Variants in SCAF4 observed in about 807,000 individuals in gnomAD.
The protein encoded by SCAF4 is SR-related and CTD-associated factor 4.
A neutral mutation model predicts 129.8 loss-of-function variants in SCAF4; 25 were observed. The observed-to-expected ratio is 0.19, with a 90% CI of 0.14 to 0.27. SCAF4 has a LOEUF of 0.27. Ranked by LOEUF, SCAF4 falls within the 10% of genes least tolerant of loss-of-function variation. The probability of loss-of-function intolerance (pLI) is 1.00; values close to 1 mark genes in which losing one functional copy is unlikely to be tolerated. For synonymous variants in SCAF4, 551 were observed against 497.7 expected, an observed-to-expected ratio of 1.11 and a Z score of -1.43; for missense variants, 1,246 against 1,457.1, an observed-to-expected ratio of 0.86 and a Z score of 2.36.
intron 12 of SCAF4, among the ~76,000 whole-genome samples, chr21:31,692,702 A>G (rs1376569497): frequency 6.6e-6 from 1 of 152,226 alleles, no homozygotes; most frequent in Admixed American, 6.5e-5. Flanking sequence ...TCTAAAGATT[A>G]CATCTATAAA....
intron 5 of SCAF4, 147 bp downstream of exon 5, chr21:31,702,097 G>A: frequency 7.8e-7 from 1 of 1,289,512 alleles, no homozygotes; most frequent in Non-Finnish European, 1.1e-6. Context: ...TTATAAATAG[G>A]AATTATGGAA....
intron 3 of SCAF4, 48 bp from the exon 4 acceptor site, chr21:31,703,974 A>T: frequency 8.6e-7 from 1 of 1,161,134 alleles, no homozygotes; most frequent in Non-Finnish European, 1.2e-6. Flanking sequence ...CAAAGTCACA[A>T]TCTGACACCC....
intron 1 of SCAF4, among the ~76,000 whole-genome samples, chr21:31,711,702 A>T (rs1222811978): frequency 6.6e-6 from 1 of 152,188 alleles, no homozygotes; most frequent in Non-Finnish European, 1.5e-5. Flanking sequence ...CAGATAGTAA[A>T]GATAAAAAGG....
intron 19 of SCAF4, among the ~76,000 whole-genome samples, chr21:31,678,741 A>G (rs2049925232): frequency 6.6e-6 from 1 of 152,046 alleles, no homozygotes; most frequent in Admixed American, 6.5e-5. Flanking sequence ...CTGTATTTAC[A>G]TGGGGATATT....
intron 1 of SCAF4, among the ~76,000 whole-genome samples, chr21:31,710,601 C>T (rs949987073): frequency 2.0e-5 from 3 of 152,086 alleles, no homozygotes; most frequent in Admixed American, 6.6e-5. Context: ...GAACAACATA[C>T]ATACCAAAAA....
intron 1 of SCAF4, among the ~76,000 whole-genome samples, chr21:31,728,214 A>G (rs1378753380): frequency 6.6e-6 from 1 of 152,186 alleles, no homozygotes; most frequent in Non-Finnish European, 1.5e-5. Flanking sequence ...ACTACTAACT[A>G]AAGCTAAAGA....
At chr21:31,693,988 G>A (rs1172724593) in intron 11 of SCAF4, among the ~76,000 whole-genome samples, 1 of 150,898 alleles carries the variant, frequency 6.6e-6, no homozygotes, top group African/African-American at 2.4e-5. Flanking sequence ...TTACATCTGA[G>A]CAACTTAAAT....
intron 15 of SCAF4, among the ~76,000 whole-genome samples, chr21:31,689,068 A>AC (rs2050196161): frequency 1.3e-5 from 2 of 152,258 alleles, no homozygotes; most frequent in Admixed American, 1.3e-4. Context: ...TCTCCACTGG[A>AC]CCATGAGCCC....
intron 1 of SCAF4, among the ~76,000 whole-genome samples, chr21:31,709,466 A>G (rs1042342601): frequency 6.6e-6 from 1 of 152,154 alleles, no homozygotes; most frequent in Non-Finnish European, 1.5e-5. Flanking sequence ...GCTAATATTC[A>G]TCTAATGCCC....
At chr21:31,689,241 G>A (rs747305404) in intron 15 of SCAF4, among the ~76,000 whole-genome samples, 23 of 151,922 alleles carry the variant, frequency 1.5e-4, no homozygotes, top group Non-Finnish European at 1.3e-4. Context: ...GAATAGTACA[G>A]CATTGTTTCA....
chr21:31,685,188 AT>A lies in SCAF4; in HGVS notation c.2348del (p.Asn783IlefsTer20). On this transcript the variant is annotated frameshift_variant, in exon 19 of 20. Transcript: ENST00000286835. LOFTEE classifies it high-confidence loss of function. ...CCCCAGACACCACTGTTGGAATGGG[AT>A]TTCCAATAGATAAGTCTTTTGTAGT... Reference protein sequence around the residue: ...EDTTKDLSIGNPIPTVVSGAR... With the variant: ...EDTTKDLSIGXPIPTVVSGAR... 6.2e-7 allele frequency: 1 copy of A among 1,611,868 alleles called. No homozygotes were observed. Among genetic ancestry groups the A allele is most frequent in the Non-Finnish European group, 8.5e-7 (1 of 1,178,656 alleles).
chr21:31,704,056 T>C (rs750040066), intron 3 of SCAF4, 130 bp from the exon 4 acceptor site: 1 of 509,338 alleles, frequency 2.0e-6, no homozygotes, highest in Admixed American at 3.2e-5. Flanking sequence ...TACTTGAATG[T>C]TTCAGCTCTC....
chr21:31,728,517 T>C (rs1179512043), intron 1 of SCAF4, among the ~76,000 whole-genome samples: 2 of 152,222 alleles, frequency 1.3e-5, no homozygotes, highest in Non-Finnish European at 2.9e-5. Context: ...CCAATTCAAA[T>C]CCTAGTTCTG....
chr21:31,705,423 CT>C lies in SCAF4; in HGVS notation c.158del (p.Lys53SerfsTer13). On this transcript the variant is annotated frameshift_variant and splice_region_variant, in exon 3 of 20. Transcript: ENST00000286835. LOFTEE classifies it high-confidence loss of function. Reference sequence around the variant, plus strand: ...TGAGGTTATAATGAGAGATAGTTACCTTTTTGATGAACTTTTCTACTATTTG... The same window carrying C: ...TGAGGTTATAATGAGAGATAGTTACCTTTTGATGAACTTTTCTACTATTTG... Reference protein sequence around the residue: ...VVQIVEKFIKKCKPEYKVPGL... With the variant: ...VVQIVEKFIKXCKPEYKVPGL... The C allele has an allele frequency of 1.6e-6, 2 of 1,240,974 alleles. No homozygotes were observed. Among genetic ancestry groups the C allele is most frequent in the Admixed American group, 2.4e-5 (1 of 41,416 alleles). The allele number at this position is 1,240,974 out of a possible 1,614,324, so 76.9% of individuals were successfully genotyped here.
At chr21:31,717,842 T>TATATATAC (rs547466352) in intron 1 of SCAF4, among the ~76,000 whole-genome samples, 69 of 114,376 alleles carry the variant, frequency 6.0e-4, no homozygotes, top group Middle Eastern at 9.3e-3. Context: ...TATATATATA[T>TATATATAC]ACACACACAC....
At chr21:31,726,026 C>T (rs1486742337) in intron 1 of SCAF4, among the ~76,000 whole-genome samples, 1 of 150,276 alleles carries the variant, frequency 6.7e-6, no homozygotes, top group Non-Finnish European at 1.5e-5. Flanking sequence ...TAGATAGATA[C>T]AAAAGCTCTC....
chr21:31,686,623 AC>A (rs370092315), intron 16 of SCAF4, among the ~76,000 whole-genome samples: 7 of 151,522 alleles, frequency 4.6e-5, no homozygotes, highest in African/African-American at 1.2e-4. Flanking sequence ...AATTTTAACA[AC>A]CCCCCCAGCC....
chr21:31,709,916 T>C (rs2050760332), intron 1 of SCAF4, among the ~76,000 whole-genome samples: 1 of 151,356 alleles, frequency 6.6e-6, no homozygotes, highest in African/African-American at 2.4e-5. Context: ...TCTGAACTAA[T>C]ATTTGTTGAT....
At position 31,700,980 on chromosome 21, in the gene SCAF4, G is replaced by A. The variant is rs750565553; in HGVS notation, c.777+15C>T. On this transcript the variant is annotated intron_variant, in intron 7 of 19. Coordinates refer to ENST00000286835, the MANE Select transcript of SCAF4 (RefSeq NM_020706.2). ...TGATATAAATGGTGGGGTGGGTTATGTGAGAGAAATATACCTTGTCAAATG... is the reference window on the plus strand; with the variant it reads ...TGATATAAATGGTGGGGTGGGTTATATGAGAGAAATATACCTTGTCAAATG... 1.9e-6 allele frequency: 3 copies of A among 1,612,944 alleles called. No individual in the cohort carries two copies. The highest frequency in any genetic ancestry group is 2.2e-5 in the South Asian group (2 of 91,054).
Sources: gnomAD v4.1 joint callset for allele counts (sites outside exome capture counted in the v4.1 genomes callset) on GRCh38, gnomAD v4.1.1 for gene constraint, MANE v1.5 for transcripts, NCBI Gene and HGNC (gene_info 2026-07-23, HGNC 2026-07-21) for gene names.